ADCY8: variants seen among roughly 807,000 people sequenced by gnomAD.
The protein encoded by ADCY8 is adenylate cyclase type 8.
In ADCY8, 51 loss-of-function variants were observed where a neutral mutation model predicts 119.7. The observed-to-expected ratio is 0.43, with a 90% CI of 0.34 to 0.54. The LOEUF (loss-of-function observed/expected upper bound fraction) is 0.54. Ranked by LOEUF, ADCY8 falls within the 20% of genes least tolerant of loss-of-function variation. The probability of loss-of-function intolerance (pLI) is 0.03; values close to 1 mark genes in which losing one functional copy is unlikely to be tolerated. For missense variants in ADCY8, 1,383 were observed against 1,598.8 expected (o/e 0.87, Z 2.30); for synonymous variants, 665 against 651.0 (o/e 1.02, Z -0.33).
intron 14 of ADCY8, among the ~76,000 whole-genome samples, chr8:130,811,400 G>A (rs1033660217): frequency 5.3e-5 from 8 of 152,186 alleles, no homozygotes; most frequent in African/African-American, 1.9e-4. Flanking sequence ...TGGGTAAACT[G>A]AAGAGCCATT....
At chr8:130,842,888 A>T (rs1218352788) in intron 11 of ADCY8, among the ~76,000 whole-genome samples, 1 of 151,672 alleles carries the variant, frequency 6.6e-6, no homozygotes, top group Non-Finnish European at 1.5e-5. Context: ...AAAAAAAAAA[A>T]AAGTTAATTC....
At chr8:131,032,021 C>T (rs775483189) in intron 1 of ADCY8, among the ~76,000 whole-genome samples, 25 of 152,242 alleles carry the variant, frequency 1.6e-4, no homozygotes, top group African/African-American at 3.4e-4. Context: ...GATTCTGAAA[C>T]GGTTTACTCC....
At chr8:131,010,617 T>C (rs1459960947) in intron 1 of ADCY8, among the ~76,000 whole-genome samples, 2 of 152,146 alleles carry the variant, frequency 1.3e-5, no homozygotes, top group East Asian at 1.9e-4. Context: ...AAGGAGGAAA[T>C]AAAGCACTTT....
chr8:130,952,567 G>A (rs1461618099), intron 2 of ADCY8, among the ~76,000 whole-genome samples: 6 of 152,228 alleles, frequency 3.9e-5, no homozygotes, highest in African/African-American at 1.4e-4. Context: ...GCTAGATCTT[G>A]CAGGTGAGCA....
chr8:130,830,520 T>C (rs958231409), intron 12 of ADCY8, among the ~76,000 whole-genome samples: 5 of 152,170 alleles, frequency 3.3e-5, no homozygotes, highest in Admixed American at 6.5e-5. Flanking sequence ...GAGTCCCCTC[T>C]CTCTCAATAG....
At position 130,937,112 on chromosome 8, in the gene ADCY8, C is replaced by T. The variant is rs771440546; in HGVS notation, c.1442G>A (p.Cys481Tyr). The T allele has an allele frequency of 1.2e-6, 2 of 1,613,816 alleles. No homozygotes were observed. The highest frequency in any genetic ancestry group is 3.3e-5 in the Admixed American group (2 of 59,978). The change falls in exon 5 of 18, where the codon TGC becomes TAC. Residue 481 changes from cysteine (C) to tyrosine (Y), a missense_variant. Transcript: ENST00000286355. ...LPEPRQDHAH[C>Y]CVEMGLSMIK... ...CATGCTGAGACCCATTTCAACACAGCAGTGGGCATGGTCCTGGCGGGGCTC... is the reference window on the plus strand; with the variant it reads ...CATGCTGAGACCCATTTCAACACAGTAGTGGGCATGGTCCTGGCGGGGCTC...
chr8:130,904,114 A>T (rs926227271), intron 6 of ADCY8, 72 bp from the exon 7 acceptor site: 2 of 1,417,660 alleles, frequency 1.4e-6, no homozygotes, highest in Admixed American at 2.2e-5. Flanking sequence ...TTTGACCTGT[A>T]CAAAACCAAC....
intron 5 of ADCY8, among the ~76,000 whole-genome samples, chr8:130,912,800 C>T (rs1455199964): frequency 6.6e-6 from 1 of 151,886 alleles, no homozygotes; most frequent in African/African-American, 2.4e-5. Context: ...ACTTTAACTC[C>T]CAAGTTAAAA....
chr8:130,938,993 A>C (rs1269808566), intron 4 of ADCY8, among the ~76,000 whole-genome samples: 3 of 152,200 alleles, frequency 2.0e-5, no homozygotes, highest in Non-Finnish European at 2.9e-5. Flanking sequence ...GGAACTTAGA[A>C]AGTTTCTTGT....
chr8:130,901,976 G>A (rs7464362), intron 7 of ADCY8, among the ~76,000 whole-genome samples: 91,321 of 151,964 alleles, frequency 0.6, 28,569 homozygotes, highest in East Asian at 0.69. Context: ...TTCCTATACA[G>A]TTTAACCACA....
intron 4 of ADCY8, among the ~76,000 whole-genome samples, chr8:130,941,150 G>A (rs1352438582): frequency 2.6e-5 from 4 of 152,194 alleles, no homozygotes; most frequent in South Asian, 2.1e-4. Context: ...TAAGTAGTAC[G>A]TGAATATATT....
At chr8:130,816,875 G>A (rs909344311) in intron 13 of ADCY8, among the ~76,000 whole-genome samples, 42 of 152,136 alleles carry the variant, frequency 2.8e-4, no homozygotes, top group Non-Finnish European at 4.6e-4. Flanking sequence ...CTTGTTTTAA[G>A]TAAATAACTT....
In ADCY8 at chr8:130,839,735, T is replaced by A. The variant is rs1430901598; in HGVS notation, c.2503-3286A>T. Among the ~76,000 whole-genome samples the A allele has an allele frequency of 2.1e-5, 3 of 140,112 alleles. 1 individual carries two copies. The East Asian group carries it at 6.6e-4, about 31-fold the overall frequency. The allele number at this position is 140,112 out of a possible 152,430, so 91.9% of individuals were successfully genotyped here. ...GGCCCACAGCTCCTAAAGTGTCCCC[T>A]AAATGGATCCTGGGTATAAGGGGCT... On this transcript the variant is annotated intron_variant, in intron 11 of 17. Coordinates refer to ENST00000286355, the MANE Select transcript of ADCY8 (RefSeq NM_001115.3).
chr8:130,807,789 C>G (rs1816014758), intron 14 of ADCY8, among the ~76,000 whole-genome samples: 1 of 151,346 alleles, frequency 6.6e-6, no homozygotes, highest in Non-Finnish European at 1.5e-5. Context: ...TCGAGACCAT[C>G]CCGGCTAAAA....
At chr8:130,814,475 ATTACCTGAT>A (rs1382849871) in intron 13 of ADCY8, among the ~76,000 whole-genome samples, 3 of 152,190 alleles carry the variant, frequency 2.0e-5, no homozygotes, top group African/African-American at 7.2e-5. Context: ...TGTTTGTGTG[ATTACCTGAT>A]AATGTTGGTG....
rs201701737 is a variant in ADCY8, at chr8:130,780,466, C to T, written c.3680G>A (p.Arg1227Gln). The T allele has an allele frequency of 1.8e-5, 29 of 1,613,680 alleles. No individual in the cohort carries two copies. The highest frequency in any genetic ancestry group is 9.4e-5 in the African/African-American group (7 of 74,812). The part of the protein sequence containing the change: ...NTGIIKGHYN[R>Q]RTLLSPSGTE... ...GCCGCTGGGTGACAACAAAGTCCGC[C>T]GGTTGTAATGACCCTTGATGATTCC... The change falls in exon 18 of 18, where the codon CGG becomes CAG. Residue 1227 changes from arginine (R) to glutamine (Q), a missense_variant. Physicochemically the swap from Arg to Gln is conservative, Grantham distance 43 (BLOSUM62 1). This residue lies in a region of ADCY8 where 928 missense variants were observed against 1,163.5 expected (regional missense o/e 0.80). Coordinates refer to ENST00000286355, the MANE Select transcript of ADCY8 (RefSeq NM_001115.3).
chr8:130,821,384 C>G lies in ADCY8; in HGVS notation c.2712G>C (p.Leu904=). The change falls in exon 13 of 18, where the codon CTG becomes CTC. Residue 904 remains leucine, a synonymous_variant. Transcript: ENST00000286355. ...FLGTKEVSLL[L]MAMFLLAVFY... is the part of the protein sequence containing the mutation. ...ACACAGCCAGGAGGAACATGGCCAT[C>G]AGTAGCAGTGATACCTCCTTGGTCC... 6.2e-7 allele frequency: 1 copy of G among 1,613,512 alleles called. No homozygotes were observed. Among genetic ancestry groups the G allele is most frequent in the East Asian group, 2.2e-5 (1 of 44,860 alleles).
At chr8:130,897,055 A>G (rs963278972) in intron 7 of ADCY8, among the ~76,000 whole-genome samples, 2 of 152,136 alleles carry the variant, frequency 1.3e-5, no homozygotes, top group South Asian at 4.1e-4. Flanking sequence ...TAGCAACTGG[A>G]CAAATCTGAC....
At chr8:131,020,377 C>T (rs1823626744) in intron 1 of ADCY8, among the ~76,000 whole-genome samples, 1 of 152,128 alleles carries the variant, frequency 6.6e-6, no homozygotes, top group Non-Finnish European at 1.5e-5. Context: ...CACTTGAGGA[C>T]ATTCAGCAGG....
Sources: allele counts gnomAD v4.1 joint callset (sites outside exome capture counted in the v4.1 genomes callset), GRCh38; gene constraint gnomAD v4.1.1; regional missense constraint gnomAD v4.1.1; transcripts MANE v1.5; gene names NCBI Gene and HGNC (gene_info 2026-07-23, HGNC 2026-07-21).